UBE2E2: variants seen among roughly 807,000 people sequenced by gnomAD.
UBE2E2 encodes ubiquitin conjugating enzyme E2 E2.
Under a neutral mutation model 24.7 loss-of-function variants are expected in UBE2E2, and 6 were observed. The ratio of observed to expected loss-of-function variants is 0.24; its 90% CI spans 0.13 to 0.48. The LOEUF (loss-of-function observed/expected upper bound fraction) is 0.48. UBE2E2 is among the 20% of genes least tolerant of loss of function. The pLI, the probability that UBE2E2 is intolerant of heterozygous loss-of-function variation, is 0.99. For missense variants in UBE2E2, 169 were observed against 245.0 expected (o/e 0.69, Z 2.07); for synonymous variants, 104 against 83.6 (o/e 1.24, Z -1.33).
At position 23,474,414 on chromosome 3, in the gene UBE2E2, A is replaced by G. The variant is rs887501156; in HGVS notation, c.228-25194A>G. On this transcript the variant is annotated intron_variant, in intron 3 of 5. Coordinates refer to ENST00000396703, the MANE Select transcript of UBE2E2 (RefSeq NM_152653.4). The surrounding 1 kb of genome is among the most constrained non-coding windows in gnomAD (Gnocchi z 4.0). ...CATTTTAAAATGCAAATTTGGTACAAAGTACTCTTTTCTGAAGGGAACGTG... is the reference window on the plus strand; with the variant it reads ...CATTTTAAAATGCAAATTTGGTACAGAGTACTCTTTTCTGAAGGGAACGTG... 2.0e-5 allele frequency among the ~76,000 whole-genome samples: 3 copies of G among 152,070 alleles called. No individual in the cohort carries two copies. The highest frequency in any genetic ancestry group is 7.3e-5 in the African/African-American group (3 of 41,342).
At chr3:23,329,719 G>A (rs1041864245) in intron 3 of UBE2E2, among the ~76,000 whole-genome samples, 6 of 152,218 alleles carry the variant, frequency 3.9e-5, no homozygotes, top group African/African-American at 1.4e-4. Flanking sequence ...CTTAGCTGTA[G>A]TCTTATCTGC....
intron 3 of UBE2E2, among the ~76,000 whole-genome samples, chr3:23,442,025 T>C (rs1698317806): frequency 6.6e-6 from 1 of 152,172 alleles, no homozygotes; most frequent in African/African-American, 2.4e-5. Context: ...AGATTTTAGT[T>C]CTGTGACTTT....
intron 3 of UBE2E2, among the ~76,000 whole-genome samples, chr3:23,272,346 A>C (rs2359754): frequency 0.84 from 127,358 of 151,568 alleles, 53,617 homozygotes; most frequent in African/African-American, 0.9. Context: ...CACTGGCCCA[A>C]GAGCAACGCA....
At chr3:23,241,101 C>T (rs573079050) in intron 3 of UBE2E2, among the ~76,000 whole-genome samples, 2 of 152,276 alleles carry the variant, frequency 1.3e-5, no homozygotes, top group East Asian at 3.9e-4. Flanking sequence ...CTGCTTCACC[C>T]AGTCTTTTTC....
intron 3 of UBE2E2, among the ~76,000 whole-genome samples, chr3:23,375,586 C>G (rs958671533): frequency 6.6e-6 from 1 of 152,098 alleles, no homozygotes; most frequent in East Asian, 1.9e-4. Context: ...TTTGTTTCTG[C>G]TAGGCATACT....
chr3:23,526,573 C>T (rs1213573355), intron 4 of UBE2E2, among the ~76,000 whole-genome samples: 3 of 152,078 alleles, frequency 2.0e-5, no homozygotes, highest in Non-Finnish European at 2.9e-5. Context: ...GGTCCTACTG[C>T]AAGTATAGTA....
At chr3:23,248,901 A>G (rs949207251) in intron 3 of UBE2E2, among the ~76,000 whole-genome samples, 4 of 152,222 alleles carry the variant, frequency 2.6e-5, no homozygotes, top group African/African-American at 7.2e-5. Context: ...TTATTGAAGA[A>G]TACTTGACCG....
At chr3:23,519,894 C>T (rs1238459917) in intron 4 of UBE2E2, among the ~76,000 whole-genome samples, 1 of 151,766 alleles carries the variant, frequency 6.6e-6, no homozygotes, top group Non-Finnish European at 1.5e-5. Flanking sequence ...ATGTTGCCCA[C>T]GCAGGTCTCT....
chr3:23,303,105 C>T (rs781265040), intron 3 of UBE2E2, among the ~76,000 whole-genome samples: 11 of 152,032 alleles, frequency 7.2e-5, no homozygotes, highest in Non-Finnish European at 1.0e-4. Flanking sequence ...CTCATAGGAG[C>T]GCAAACTTTA....
chr3:23,339,085 A>G (rs1035190566), intron 3 of UBE2E2, among the ~76,000 whole-genome samples: 1 of 152,180 alleles, frequency 6.6e-6, no homozygotes, highest in Non-Finnish European at 1.5e-5. Flanking sequence ...ATAATGAGAC[A>G]TGGATATCAT....
chr3:23,507,635 G>C (rs549149986), intron 4 of UBE2E2, among the ~76,000 whole-genome samples: 1 of 152,328 alleles, frequency 6.6e-6, no homozygotes, highest in East Asian at 1.9e-4. Flanking sequence ...TCTAAACCCA[G>C]TTCTAAACTG....
chr3:23,320,451 C>T (rs571061538), intron 3 of UBE2E2, among the ~76,000 whole-genome samples: 106 of 152,302 alleles, frequency 7.0e-4, no homozygotes, highest in African/African-American at 2.5e-3. Flanking sequence ...GGTACATGCA[C>T]AGAGGTGTGC....
chr3:23,274,757 C>G (rs1255055779), intron 3 of UBE2E2, among the ~76,000 whole-genome samples: 1 of 152,146 alleles, frequency 6.6e-6, no homozygotes, highest in African/African-American at 2.4e-5. Flanking sequence ...TAATGATACA[C>G]TGGATATTAT....
intron 3 of UBE2E2, among the ~76,000 whole-genome samples, chr3:23,427,881 T>C (rs13063451): frequency 0.072 from 10,995 of 152,260 alleles, 517 homozygotes; most frequent in Non-Finnish European, 0.088. Flanking sequence ...CAATCCTTAA[T>C]GTGTATGTGC....
intron 5 of UBE2E2, among the ~76,000 whole-genome samples, chr3:23,570,878 A>G (rs1696202877): frequency 1.3e-5 from 2 of 152,184 alleles, no homozygotes; most frequent in South Asian, 2.1e-4. Context: ...TCTAGAGATG[A>G]TAGACTTTTA....
chr3:23,300,929 C>T (rs1055870951), intron 3 of UBE2E2, among the ~76,000 whole-genome samples: 14 of 152,294 alleles, frequency 9.2e-5, no homozygotes, highest in Admixed American at 2.0e-4. Context: ...ACCAATCAGA[C>T]GTAGATTTGG....
chr3:23,343,998 A>C (rs1695475531), intron 3 of UBE2E2, among the ~76,000 whole-genome samples: 1 of 152,234 alleles, frequency 6.6e-6, no homozygotes, highest in South Asian at 2.1e-4. Context: ...TTTATCATTC[A>C]AAATGGATTT....
At chr3:23,315,969 A>G (rs935359903) in intron 3 of UBE2E2, among the ~76,000 whole-genome samples, 3 of 151,992 alleles carry the variant, frequency 2.0e-5, no homozygotes, top group Admixed American at 6.6e-5. Context: ...TTTATCCCAA[A>G]CAAATGGAGC....
At chr3:23,301,260 G>T (rs531550253) in intron 3 of UBE2E2, among the ~76,000 whole-genome samples, 1 of 152,108 alleles carries the variant, frequency 6.6e-6, no homozygotes, top group Non-Finnish European at 1.5e-5. Flanking sequence ...TAGTTTGATT[G>T]TCTGAAGCCT....
Sources: gnomAD v4.1 joint callset for allele counts (sites outside exome capture counted in the v4.1 genomes callset) on GRCh38, gnomAD v4.1.1 for gene constraint, Gnocchi (gnomAD v3.1) non-coding constraint, MANE v1.5 for transcripts, NCBI Gene and HGNC (gene_info 2026-07-23, HGNC 2026-07-21) for gene names.